Variants in KIF6 observed in about 807,000 individuals in gnomAD.
KIF6 encodes kinesin-like protein KIF6.
Under a neutral mutation model 112.7 loss-of-function variants are expected in KIF6, and 106 were observed. The ratio of observed to expected loss-of-function variants is 0.94; its 90% CI spans 0.80 to 1.11. KIF6 has a LOEUF of 1.11. Among genes scored for constraint, KIF6 ranks in the 50% least tolerant of loss-of-function variants. The pLI is 0.00. For missense variants in KIF6, 929 were observed against 964.0 expected, an observed-to-expected ratio of 0.96 and a Z score of 0.48; for synonymous variants, 339 against 339.9, an observed-to-expected ratio of 1.00 and a Z score of 0.03.
chr6:39,440,341 A>G (rs1581861894), intron 13 of KIF6, among the ~76,000 whole-genome samples: 1 of 152,184 alleles, frequency 6.6e-6, no homozygotes, highest in South Asian at 2.1e-4. Flanking sequence ...CAGCTCTGAT[A>G]CCACAGTATG....
chr6:39,588,046 T>G (rs1337944434), intron 7 of KIF6, among the ~76,000 whole-genome samples: 3 of 152,248 alleles, frequency 2.0e-5, no homozygotes, highest in African/African-American at 7.2e-5. Context: ...TACACTTTCC[T>G]GGTTTTCATC....
chr6:39,724,520 CCTT>C (rs1280134063), intron 1 of KIF6, among the ~76,000 whole-genome samples: 1 of 150,392 alleles, frequency 6.6e-6, no homozygotes, highest in East Asian at 2.0e-4. Context: ...AATGTCTTAA[CCTT>C]CTTTATACCT....
rs531905392 is a variant in KIF6, at chr6:39,337,168, C to CTTTCTTTCTTTCT, written c.2429-621_2429-620insAGAAAGAAAGAAA. Among the ~76,000 whole-genome samples, 32 of 48,536 alleles carry CTTTCTTTCTTTCT rather than the reference C, an allele frequency of 6.6e-4. 3 individuals carry two copies. In the East Asian group the frequency reaches 8.9e-3, roughly 14 times the overall value. 31.8% of individuals were successfully genotyped at this position (48,536 alleles called of 152,430 possible). ...CCTTTCTCTTTCTTTTCTTTCTTTCCTTCCTTCTTTCTTTCTTTCTTTCTT... is the reference window on the plus strand; with the variant it reads ...CCTTTCTCTTTCTTTTCTTTCTTTCCTTTCTTTCTTTCTTTCCTTCTTTCTTTCTTTCTTTCTT... On this transcript the variant is annotated intron_variant, in intron 22 of 22. Transcript: ENST00000287152.
At chr6:39,488,561 T>C (rs1775272838) in intron 13 of KIF6, among the ~76,000 whole-genome samples, 1 of 152,228 alleles carries the variant, frequency 6.6e-6, no homozygotes, top group Non-Finnish European at 1.5e-5. Flanking sequence ...GTATTGGTCT[T>C]GCTTGTTTAC....
At chr6:39,633,090 G>A (rs1030766630) in intron 5 of KIF6, among the ~76,000 whole-genome samples, 1 of 151,800 alleles carries the variant, frequency 6.6e-6, no homozygotes, top group Admixed American at 6.6e-5. Context: ...TTCCTCAGAG[G>A]TAGGAAATAT....
chr6:39,352,548 G>GCATCTTTC (rs149340183), intron 19 of KIF6, among the ~76,000 whole-genome samples: 2,794 of 151,348 alleles, frequency 0.018, 90 homozygotes, highest in African/African-American at 0.064. Context: ...TTTCATATGA[G>GCATCTTTC]CATCTTTCAC....
chr6:39,613,038 T>C (rs2150720029), intron 6 of KIF6, 151 bp downstream of exon 6: 1 of 483,408 alleles, frequency 2.1e-6, no homozygotes, highest in Non-Finnish European at 3.2e-6. Flanking sequence ...TAGATCTGGG[T>C]TTCTTTATCT....
chr6:39,610,464 T>G (rs922020788), intron 6 of KIF6, among the ~76,000 whole-genome samples: 1 of 152,260 alleles, frequency 6.6e-6, no homozygotes, highest in East Asian at 1.9e-4. Flanking sequence ...AGGCAACTTC[T>G]GGATTCCTCT....
chr6:39,534,708 A>T (rs1778303682), intron 13 of KIF6, among the ~76,000 whole-genome samples: 1 of 152,234 alleles, frequency 6.6e-6, no homozygotes. Flanking sequence ...GGAAATACAG[A>T]GAATGCCACA....
At chr6:39,451,716 T>G (rs1469759861) in intron 13 of KIF6, among the ~76,000 whole-genome samples, 1 of 152,038 alleles carries the variant, frequency 6.6e-6, no homozygotes, top group Non-Finnish European at 1.5e-5. Flanking sequence ...AGCAAACACA[T>G]GTCTGTGAAA....
Position 39,525,822 on chromosome 6 carries a change from T to A in KIF6, c.1645+14181A>T, listed in dbSNP as rs148810104. On this transcript the variant is annotated intron_variant, in intron 13 of 22. Transcript: ENST00000287152. ...CTAACTAAATAGATAAATAAATAAA[T>A]AAATAAATAAATAAATAAATAAATA... is the stretch of plus-strand genomic sequence containing the variant. 3.1e-3 allele frequency among the ~76,000 whole-genome samples: 474 copies of A among 150,930 alleles called. 2 individuals carry two copies. The highest frequency in any genetic ancestry group is 0.011 in the African/African-American group (432 of 41,134).
At chr6:39,584,418 A>AC (rs1554130500) in intron 9 of KIF6, among the ~76,000 whole-genome samples, 376 of 29,176 alleles carry the variant, frequency 0.013, 39 homozygotes, top group African/African-American at 0.029. Context: ...CTCTGTCTCT[A>AC]AAAAAAAAAA....
chr6:39,681,264 C>G (rs1419584248), intron 3 of KIF6, among the ~76,000 whole-genome samples: 2 of 152,054 alleles, frequency 1.3e-5, no homozygotes, highest in African/African-American at 4.8e-5. Context: ...GAAGAATACC[C>G]AATTAAAAGC....
At chr6:39,710,243 C>T (rs976580071) in intron 3 of KIF6, among the ~76,000 whole-genome samples, 13 of 152,134 alleles carry the variant, frequency 8.5e-5, no homozygotes, top group Admixed American at 8.5e-4. Context: ...GGGCCTCACG[C>T]CTAGCAAATA....
At chr6:39,520,469 C>T (rs187747797) in intron 13 of KIF6, among the ~76,000 whole-genome samples, 3 of 152,160 alleles carry the variant, frequency 2.0e-5, no homozygotes, top group Non-Finnish European at 2.9e-5. Flanking sequence ...GGAGAAGGGA[C>T]GGTTGTGGAA....
At chr6:39,621,004 G>A (rs1044119079) in intron 5 of KIF6, among the ~76,000 whole-genome samples, 1 of 151,968 alleles carries the variant, frequency 6.6e-6, no homozygotes. Context: ...CCTGACCTTA[G>A]GTGATTTGCC....
intron 5 of KIF6, among the ~76,000 whole-genome samples, chr6:39,628,911 T>C (rs1335115280): frequency 1.3e-5 from 2 of 152,242 alleles, no homozygotes; most frequent in East Asian, 3.9e-4. Context: ...CAGAATGCCA[T>C]ATAGTTTGAA....
At chr6:39,568,487 A>T (rs1780443786) in intron 10 of KIF6, among the ~76,000 whole-genome samples, 1 of 152,018 alleles carries the variant, frequency 6.6e-6, no homozygotes, top group African/African-American at 2.4e-5. Flanking sequence ...TCATTTGAAC[A>T]GTTTCATCCA....
intron 13 of KIF6, among the ~76,000 whole-genome samples, chr6:39,499,610 C>T (rs943100369): frequency 6.6e-6 from 1 of 152,084 alleles, no homozygotes; most frequent in Admixed American, 6.6e-5. Flanking sequence ...TTCAAAAATC[C>T]CAGCTGAGCA....
Sources: gnomAD v4.1 joint callset for allele counts (sites outside exome capture counted in the v4.1 genomes callset) on GRCh38, gnomAD v4.1.1 for gene constraint, MANE v1.5 for transcripts, NCBI Gene and HGNC (gene_info 2026-07-23, HGNC 2026-07-21) for gene names.